The following FAM13C variants were observed in gnomAD, a reference collection of about 807,000 sequenced individuals.
FAM13C encodes the protein family with sequence similarity 13 member C, also known as protein FAM13C.
A neutral mutation model predicts 73.2 loss-of-function variants in FAM13C; 37 were observed. The ratio of observed to expected loss-of-function variants is 0.51; its 90% confidence interval spans 0.39 to 0.67. FAM13C has a LOEUF of 0.67. Ranked by LOEUF, FAM13C falls within the 30% of genes least tolerant of loss-of-function variation. The pLI, the probability that FAM13C is intolerant of heterozygous loss-of-function variation, is 0.00. For missense variants in FAM13C, 589 were observed against 715.6 expected (o/e 0.82, Z 2.02); for synonymous variants, 246 against 260.9 (o/e 0.94, Z 0.55).
chr10:59,265,797 T>C (rs1020770109), intron 8 of FAM13C, among the ~76,000 whole-genome samples: 32 of 152,280 alleles, frequency 2.1e-4, no homozygotes, highest in Non-Finnish European at 4.1e-4. Flanking sequence ...GAAGAAGCTG[T>C]TAAAAGGGTT....
At chr10:59,357,934 T>C (rs1190866848) in intron 1 of FAM13C, among the ~76,000 whole-genome samples, 1 of 152,226 alleles carries the variant, frequency 6.6e-6, no homozygotes, top group South Asian at 2.1e-4. Context: ...TTTTAAAGTA[T>C]TCTTTACTGG....
At chr10:59,252,657 G>T (rs1841507379) in intron 12 of FAM13C, 142 bp downstream of exon 12, 3 of 713,930 alleles carry the variant, frequency 4.2e-6, no homozygotes, top group African/African-American at 1.8e-5. Context: ...TCATCTAAAT[G>T]TAAGAGACTA....
intron 10 of FAM13C, among the ~76,000 whole-genome samples, chr10:59,259,200 C>G (rs969323777): frequency 2.6e-5 from 4 of 152,130 alleles, no homozygotes; most frequent in African/African-American, 9.7e-5. Context: ...GTATCTGAAG[C>G]AACAAGGCAA....
At position 59,260,472 on chromosome 10, in the gene FAM13C, A is replaced by G. The variant is rs140084773; in HGVS notation, c.1236+1962T>C. Among the ~76,000 whole-genome samples, 353 of 152,236 alleles carry G rather than the reference A, an allele frequency of 2.3e-3. 4 individuals carry two copies. The highest frequency in any genetic ancestry group is 8.1e-3 in the African/African-American group (336 of 41,552). On this transcript the variant is annotated intron_variant, in intron 10 of 13. Coordinates refer to ENST00000618804, the MANE Select transcript of FAM13C (RefSeq NM_198215.4). ...TTTCATCACGGCCTTCATACCTGCA[A>G]TTCCATCTGTTGAGAATGTTTTCTG...
chr10:59,265,287 T>G (rs1842903772), intron 8 of FAM13C, among the ~76,000 whole-genome samples: 1 of 86,288 alleles, frequency 1.2e-5, no homozygotes, highest in Admixed American at 1.6e-4. Flanking sequence ...CTGGTTTCCC[T>G]GAGGGATGGC....
intron 3 of FAM13C, among the ~76,000 whole-genome samples, chr10:59,330,146 T>C (rs945234724): frequency 2.0e-5 from 3 of 152,196 alleles, no homozygotes; most frequent in African/African-American, 4.8e-5. Flanking sequence ...TTGGGAGGAA[T>C]TGCATTAATT....
At chr10:59,324,990 T>G (rs1313481516) in intron 3 of FAM13C, among the ~76,000 whole-genome samples, 1 of 152,228 alleles carries the variant, frequency 6.6e-6, no homozygotes, top group East Asian at 1.9e-4. Flanking sequence ...ACAGTTCCAC[T>G]ACTATCATCT....
intron 5 of FAM13C, among the ~76,000 whole-genome samples, chr10:59,286,686 T>C (rs1005434717): frequency 2.0e-5 from 3 of 151,438 alleles, no homozygotes; most frequent in Non-Finnish European, 2.9e-5. Context: ...ATGGTAGTGA[T>C]GGTTGCCCAA....
At chr10:59,275,736 CT>C (rs1335186306) in intron 6 of FAM13C, among the ~76,000 whole-genome samples, 24 of 152,254 alleles carry the variant, frequency 1.6e-4, no homozygotes, top group Non-Finnish European at 2.9e-4. Flanking sequence ...TTGTTATATC[CT>C]TGGCCAGGCA....
At chr10:59,281,796 A>T (rs1466310504) in intron 6 of FAM13C, among the ~76,000 whole-genome samples, 1 of 152,270 alleles carries the variant, frequency 6.6e-6, no homozygotes, top group Admixed American at 6.5e-5. Context: ...AGAAGAAAAA[A>T]TATATCCACA....
In FAM13C at chr10:59,262,463, C is replaced by G. The variant is rs114156972; in HGVS notation, c.1207G>C (p.Glu403Gln). The change falls in exon 10 of 14, where the codon GAG becomes CAG. Residue 403 changes from glutamate to glutamine, a missense_variant. Transcript: ENST00000618804. ...AALTCLKERR[E>Q]QLPPQEDSKV... ...GAATCCTCCTGGGGAGGAAGTTGCT[C>G]TCTTCTCTCCTTCAGGCATGTCAAG... 1,771 of 1,613,610 alleles carry G rather than the reference C, an allele frequency of 1.1e-3. 27 individuals are homozygous for G. In the African/African-American group the frequency reaches 0.022, roughly 20 times the overall value.
At chr10:59,362,638 G>T (rs1453594923), upstream of FAM13C, 1 of 1,391,756 alleles carries the variant, frequency 7.2e-7, no homozygotes, top group African/African-American at 1.5e-5. Flanking sequence ...CGGCACGGGC[G>T]AACCACAAAG....
intron 3 of FAM13C, among the ~76,000 whole-genome samples, chr10:59,333,045 C>T (rs1852218566): frequency 6.6e-6 from 1 of 151,826 alleles, no homozygotes; most frequent in African/African-American, 2.4e-5. Context: ...TGCTATGTTG[C>T]CTAGGCTGGA....
At chr10:59,251,279 G>A in intron 13 of FAM13C, 1 of 409,132 alleles carries the variant, frequency 2.4e-6, no homozygotes. Flanking sequence ...TTTTTTAAAG[G>A]TTTAAATAAA....
intron 9 of FAM13C, among the ~76,000 whole-genome samples, chr10:59,263,041 A>T (rs1353601130): frequency 1.3e-5 from 2 of 152,208 alleles, no homozygotes; most frequent in Non-Finnish European, 2.9e-5. Flanking sequence ...TCCTGTGGAA[A>T]CGCAAATAAT....
chr10:59,293,791 C>T (rs779838348), intron 5 of FAM13C, among the ~76,000 whole-genome samples: 12 of 152,208 alleles, frequency 7.9e-5, no homozygotes, highest in Non-Finnish European at 1.6e-4. Flanking sequence ...TCTTGTACTG[C>T]AGCTGTTTCA....
chr10:59,251,514 C>T (rs1564472990), intron 13 of FAM13C, 61 bp downstream of exon 13: 8 of 1,454,178 alleles, frequency 5.5e-6, no homozygotes, highest in Non-Finnish European at 6.7e-6. Flanking sequence ...AATTGCAGCT[C>T]ATTTTTAACA....
chr10:59,340,484 C>T (rs148763899), intron 3 of FAM13C, among the ~76,000 whole-genome samples: 45 of 152,246 alleles, frequency 3.0e-4, no homozygotes, highest in African/African-American at 1.1e-3. Flanking sequence ...TCACCAGATT[C>T]CTGCCTGGCA....
intron 2 of FAM13C, 35 bp from the exon 3 acceptor site, chr10:59,352,509 TAA>T: frequency 6.5e-7 from 1 of 1,533,952 alleles, no homozygotes. Flanking sequence ...GAAAGTACCT[TAA>T]AAAAAGATGA....
Sources: allele counts gnomAD v4.1 joint callset (sites outside exome capture counted in the v4.1 genomes callset), GRCh38; gene constraint gnomAD v4.1.1; transcripts MANE v1.5; gene names NCBI Gene and HGNC (gene_info 2026-07-23, HGNC 2026-07-21).